ETS1: variants seen among roughly 807,000 people sequenced by gnomAD.
ETS1 encodes protein C-ets-1.
In ETS1, 15 loss-of-function variants were observed where a neutral mutation model predicts 58.6. The observed-to-expected ratio is 0.26, with a 90% CI of 0.17 to 0.39. ETS1 has a LOEUF of 0.39. Ranked by LOEUF, ETS1 falls within the 10% of genes least tolerant of loss-of-function variation. The pLI, the probability that ETS1 is intolerant of heterozygous loss-of-function variation, is 1.00. For synonymous variants in ETS1, 214 were observed against 218.2 expected, an observed-to-expected ratio of 0.98 and a Z score of 0.17; for missense variants, 417 against 610.5, an observed-to-expected ratio of 0.68 and a Z score of 3.34.
At chr11:128,581,697 T>C (rs1304489076) in intron 1 of ETS1, among the ~76,000 whole-genome samples, 2 of 152,172 alleles carry the variant, frequency 1.3e-5, no homozygotes, top group African/African-American at 4.8e-5. Context: ...AAACGTCAAC[T>C]CTAATCCAAT....
At chr11:128,507,011 C>T (rs1214218629) in intron 3 of ETS1, among the ~76,000 whole-genome samples, 2 of 152,106 alleles carry the variant, frequency 1.3e-5, no homozygotes, top group Non-Finnish European at 2.9e-5. Flanking sequence ...CCTCCAGTCC[C>T]TGGTGGGGGA....
chr11:128,519,641 C>T (rs1824566133), intron 3 of ETS1, among the ~76,000 whole-genome samples: 1 of 152,200 alleles, frequency 6.6e-6, no homozygotes, highest in African/African-American at 2.4e-5. Flanking sequence ...TTGCTTTGCA[C>T]CTGCAAGTTA....
At chr11:128,553,219 AG>A (rs1864259820) in intron 3 of ETS1, among the ~76,000 whole-genome samples, 1 of 152,144 alleles carries the variant, frequency 6.6e-6, no homozygotes, top group South Asian at 2.1e-4. Context: ...GATAGGGAGG[AG>A]GGGGAAGAGG....
At chr11:128,477,485 G>C (rs773067620) in intron 8 of ETS1, among the ~76,000 whole-genome samples, 3 of 152,180 alleles carry the variant, frequency 2.0e-5, no homozygotes, top group Admixed American at 6.5e-5. Context: ...GGCTGTATGG[G>C]CACATTTCAT....
intron 3 of ETS1, among the ~76,000 whole-genome samples, chr11:128,492,680 C>T (rs1187922912): frequency 1.3e-5 from 2 of 152,166 alleles, no homozygotes; most frequent in Non-Finnish European, 2.9e-5. Flanking sequence ...ATGGAGTAAT[C>T]ATCAAATGAG....
intron 7 of ETS1, among the ~76,000 whole-genome samples, chr11:128,482,118 T>C (rs1862503220): frequency 6.6e-6 from 1 of 152,218 alleles, no homozygotes. Flanking sequence ...TTTATAATTC[T>C]TAAAAATTCT....
chr11:128,528,616 C>T (rs1316395565), intron 3 of ETS1, among the ~76,000 whole-genome samples: 1 of 152,054 alleles, frequency 6.6e-6, no homozygotes, highest in Non-Finnish European at 1.5e-5. Flanking sequence ...TAGTAAGAGC[C>T]CCATAAATTA....
At chr11:128,503,291 C>T (rs905333249) in intron 3 of ETS1, among the ~76,000 whole-genome samples, 1 of 152,054 alleles carries the variant, frequency 6.6e-6, no homozygotes, top group African/African-American at 2.4e-5. Flanking sequence ...AAATTTTAAG[C>T]ACAGAGCAGG....
In ETS1 at chr11:128,486,134, G is replaced by A. The variant is rs1383326121; in HGVS notation, c.548C>T (p.Pro183Leu). 5 of 1,605,248 alleles carry A rather than the reference G, an allele frequency of 3.1e-6. No individual in the cohort carries two copies. The African/African-American group carries it at 6.7e-5, about 22-fold the overall frequency. The change falls in exon 6 of 10, where the codon CCA (proline) becomes CTA (leucine). Residue 183 changes from proline (P) to leucine (L), a missense_variant. By Grantham distance (98) the Pro-to-Leu change is moderately conservative (BLOSUM62 -3). This residue lies in a region of ETS1 where 132 missense variants were observed against 212.1 expected (regional missense o/e 0.62). Transcript: ENST00000392668. ...LEILQKEDVK[P>L]YQVNGVNPAY... ...TGGGTTGACTCCATTAACTTGATATGGTTTCACATCCTCTGTAATGAACAG... is the reference window on the plus strand; with the variant it reads ...TGGGTTGACTCCATTAACTTGATATAGTTTCACATCCTCTGTAATGAACAG...
chr11:128,576,458 T>C (rs1309129886), intron 1 of ETS1, among the ~76,000 whole-genome samples: 1 of 70,928 alleles, frequency 1.4e-5, no homozygotes, highest in Non-Finnish European at 2.7e-5. Flanking sequence ...ATTGCACACG[T>C]TTATTGCATA....
intron 8 of ETS1, among the ~76,000 whole-genome samples, chr11:128,467,120 A>G (rs1221893558): frequency 1.3e-5 from 2 of 152,224 alleles, no homozygotes; most frequent in Non-Finnish European, 2.9e-5. Flanking sequence ...GAACTAGGAA[A>G]GACATGGAAA....
rs374886917 is a variant in ETS1, at chr11:128,489,438, C to T, written c.387G>A (p.Val129=). The change falls in exon 5 of 10, where the codon GTG becomes GTA. Residue 129 remains valine, a synonymous_variant. Transcript: ENST00000392668. ...CTACACCTTTCAGGCTGAATTCATT[C>T]ACAGCCCACATCACCCAGTCCCGAA... is the stretch of plus-strand genomic sequence containing the variant. The part of the protein sequence containing the change: ...THVRDWVMWA[V]NEFSLKGVDF... 4 of 1,614,150 alleles carry T rather than the reference C, an allele frequency of 2.5e-6. No individual in the cohort carries two copies. The highest frequency in any genetic ancestry group is 2.5e-6 in the Non-Finnish European group (3 of 1,180,030).
At chr11:128,480,472 AG>A (rs760250172) in intron 7 of ETS1, 21 bp from the exon 8 acceptor site, 8 of 1,581,926 alleles carry the variant, frequency 5.1e-6, no homozygotes, top group Non-Finnish European at 6.9e-6. Flanking sequence ...AGGAGGAGGT[AG>A]GAAGAGGACA....
At chr11:128,482,440 C>T (rs189726141) in intron 7 of ETS1, among the ~76,000 whole-genome samples, 7 of 152,296 alleles carry the variant, frequency 4.6e-5, no homozygotes, top group African/African-American at 1.7e-4. Flanking sequence ...TGAAATGATT[C>T]CATTTCTATC....
At chr11:128,502,464 AAC>A (rs1430256684) in intron 3 of ETS1, among the ~76,000 whole-genome samples, 1 of 152,252 alleles carries the variant, frequency 6.6e-6, no homozygotes, top group African/African-American at 2.4e-5. Flanking sequence ...TTTCTGAAAC[AAC>A]AGTCTTATTA....
chr11:128,513,930 T>G (rs114480772), intron 3 of ETS1, among the ~76,000 whole-genome samples: 2 of 152,082 alleles, frequency 1.3e-5, no homozygotes, highest in Admixed American at 1.3e-4. Flanking sequence ...ACATTTTTAT[T>G]CTGAACATGA....
At chr11:128,552,179 C>T (rs755692803) in intron 3 of ETS1, among the ~76,000 whole-genome samples, 4 of 152,200 alleles carry the variant, frequency 2.6e-5, no homozygotes, top group Middle Eastern at 3.4e-3. Context: ...ATTAAGTTGT[C>T]TAAGGTCACA....
intron 3 of ETS1, among the ~76,000 whole-genome samples, chr11:128,498,087 C>T (rs540661701): frequency 1.3e-5 from 2 of 152,290 alleles, no homozygotes; most frequent in Non-Finnish European, 2.9e-5. Context: ...GGTCTCAAAG[C>T]CCCTCAGATG....
intron 3 of ETS1, among the ~76,000 whole-genome samples, chr11:128,544,557 C>T (rs563264709): frequency 1.3e-4 from 19 of 151,966 alleles, no homozygotes; most frequent in Admixed American, 2.0e-4. Context: ...TCCCTCTCCC[C>T]GTCTCCAGAG....
Sources: allele counts gnomAD v4.1 joint callset (sites outside exome capture counted in the v4.1 genomes callset), GRCh38; gene constraint gnomAD v4.1.1; regional missense constraint gnomAD v4.1.1; transcripts MANE v1.5; gene names NCBI Gene and HGNC (gene_info 2026-07-23, HGNC 2026-07-21).